NOTCH3: variants seen among roughly 807,000 people sequenced by gnomAD.
NOTCH3 encodes the protein neurogenic locus notch homolog protein 3.
A neutral mutation model predicts 213.3 loss-of-function variants in NOTCH3; 86 were observed. That is an observed-to-expected ratio of 0.40 (90% CI 0.34 to 0.48). The LOEUF is 0.48. NOTCH3 is among the 20% of genes least tolerant of loss of function. The probability of loss-of-function intolerance (pLI) is 0.57; values close to 1 mark genes in which losing one functional copy is unlikely to be tolerated. For missense variants in NOTCH3, 2,783 were observed against 3,272.6 expected (o/e 0.85, Z 3.65); for synonymous variants, 1,354 against 1,355.9 (o/e 1.00, Z 0.03).
intron 28 of NOTCH3, 30 bp downstream of exon 28, chr19:15,170,056 A>G: frequency 7.5e-7 from 1 of 1,336,350 alleles, no homozygotes; most frequent in Non-Finnish European, 1.1e-6. Context: ...GGGTCAGAGG[A>G]GGGGGCAAAG....
In NOTCH3 at chr19:15,161,250, G is replaced by T. The variant is rs775029302; in HGVS notation, c.6378C>A (p.Pro2126=). The change falls in exon 33 of 33, where the codon CCC becomes CCA. Residue 2126 remains proline, a synonymous_variant. Transcript: ENST00000263388. ...CTGCAGTGGCAGTGGCAGCTGCATA[G>T]GGCCCCTCAAGGGGGAAGCCACCAG... The part of the protein sequence containing the change: ...ASPGGFPLEG[P]YAAATATAVS... The T allele has an allele frequency of 6.5e-7, 1 of 1,547,532 alleles. No individual in the cohort carries two copies. Among genetic ancestry groups the T allele is most frequent in the East Asian group, 2.3e-5 (1 of 42,968 alleles).
chr19:15,179,577 C>G (rs1442956203), intron 20 of NOTCH3, 81 bp from the exon 21 acceptor site: 1 of 1,485,188 alleles, frequency 6.7e-7, no homozygotes, highest in African/African-American at 1.4e-5. Context: ...ACGCAAAGAA[C>G]CCCAGCACAA....
At chr19:15,168,671 TAAA>T (rs1364903826) in intron 28 of NOTCH3, among the ~76,000 whole-genome samples, 1 of 151,830 alleles carries the variant, frequency 6.6e-6, no homozygotes, top group Non-Finnish European at 1.5e-5. Context: ...CCATCTCTAC[TAAA>T]AATACAAAAA....
At chr19:15,173,913 C>T (rs1215116866) in intron 25 of NOTCH3, among the ~76,000 whole-genome samples, 155 bp downstream of exon 25, 3 of 152,218 alleles carry the variant, frequency 2.0e-5, no homozygotes, top group Non-Finnish European at 4.4e-5. Flanking sequence ...GCACTAGCTC[C>T]ATCTGGAGGC....
At position 15,179,482 on chromosome 19, in the gene NOTCH3, G is replaced by A. The variant is rs1196494707; in HGVS notation, c.3342C>T (p.Tyr1114=). ...CGTCGTCCTCACAGTTATCACCATT[G>A]TAGCCAGGAAGACACTTCAGTGGGG... ...GGYMCECLPG[Y]NGDNCEDDVD... is the part of the protein sequence containing the mutation. Residue 1114 remains tyrosine (Y), a synonymous_variant, in exon 21 of 33, where the codon TAC becomes TAT. Coordinates refer to ENST00000263388, the MANE Select transcript of NOTCH3 (RefSeq NM_000435.3). 1 of 1,613,972 alleles carries A rather than the reference G, an allele frequency of 6.2e-7. No homozygotes were observed. Among genetic ancestry groups the A allele is most frequent in the Non-Finnish European group, 8.5e-7 (1 of 1,180,018 alleles).
chr19:15,188,390 A>G, intron 8 of NOTCH3, 42 bp from the exon 9 acceptor site: 1 of 1,325,824 alleles, frequency 7.5e-7, no homozygotes, highest in Non-Finnish European at 1.1e-6. Context: ...GGGCTACCCT[A>G]TGGTGTGAAC....
At chr19:15,174,015 C>G (rs2046765068) in intron 25 of NOTCH3, 53 bp downstream of exon 25, 1 of 1,410,382 alleles carries the variant, frequency 7.1e-7, no homozygotes, top group Admixed American at 2.1e-5. Flanking sequence ...CCTGGATCAA[C>G]AGCATCTCTC....
At chr19:15,200,223 G>C (rs1010048320) in intron 1 of NOTCH3, among the ~76,000 whole-genome samples, 2 of 151,552 alleles carry the variant, frequency 1.3e-5, no homozygotes, top group African/African-American at 4.8e-5. Flanking sequence ...GGCGGGGGAG[G>C]GGGCGCGCGC....
intron 2 of NOTCH3, among the ~76,000 whole-genome samples, chr19:15,195,944 C>T (rs2046966903): frequency 6.7e-6 from 1 of 149,442 alleles, no homozygotes; most frequent in Non-Finnish European, 1.5e-5. Context: ...TTAGGGGGGG[C>T]ACGGCGGGTG....
chr19:15,173,101 CT>C lies in NOTCH3; in HGVS notation c.4736+966del, dbSNP rs2046752057. The stretch of plus-strand genomic sequence containing the variant: ...TCTTCTTCTTCTTCTTCTTCTTCTT[CT>C]TCTTTTTTTTTTTTTTTTTTTTTTT... On this transcript the variant is annotated intron_variant, in intron 25 of 32. Transcript: ENST00000263388. Among the ~76,000 whole-genome samples the C allele has an allele frequency of 2.0e-4, 10 of 49,040 alleles. 2 individuals are homozygous for C. Among genetic ancestry groups the C allele is most frequent in the African/African-American group, 1.9e-3 (9 of 4,854 alleles). 32.2% of individuals were successfully genotyped at this position (49,040 alleles called of 152,430 possible).
chr19:15,173,973 TA>T (rs745883512), intron 25 of NOTCH3, 94 bp downstream of exon 25: 1 of 1,093,520 alleles, frequency 9.1e-7, no homozygotes, highest in Non-Finnish European at 1.3e-6. Flanking sequence ...ATCTGGTGGG[TA>T]AAGGCATTAA....
intron 20 of NOTCH3, 61 bp from the exon 21 acceptor site, chr19:15,179,557 A>C: frequency 6.3e-7 from 1 of 1,576,180 alleles, no homozygotes; most frequent in Non-Finnish European, 8.7e-7. Flanking sequence ...ACCTGGACAT[A>C]CCCATGAAGA....
intron 2 of NOTCH3, among the ~76,000 whole-genome samples, chr19:15,195,923 C>G (rs993313671): frequency 2.0e-5 from 3 of 150,430 alleles, no homozygotes; most frequent in Non-Finnish European, 3.0e-5. Context: ...GAGGGGGGAG[C>G]GCAGACCTAG....
At position 15,184,962 on chromosome 19, in the gene NOTCH3, C is replaced by T. The variant is rs1248140755; in HGVS notation, c.2354G>A (p.Arg785His). 1.2e-5 allele frequency: 19 copies of T among 1,547,752 alleles called. No homozygotes were observed. The highest frequency in any genetic ancestry group is 3.9e-5 in the Admixed American group (2 of 50,692). The change falls in exon 15 of 33, where the codon CGC (arginine) becomes CAC (histidine). Residue 785 changes from arginine to histidine, a missense_variant. Arg to His is a conservative substitution (Grantham distance 29, BLOSUM62 0). Around this residue, in one of 6 missense-constraint regions of NOTCH3, gnomAD observed 861 missense variants for 909.1 expected, o/e 0.95. Coordinates refer to ENST00000263388, the MANE Select transcript of NOTCH3 (RefSeq NM_000435.3). ...CAGCTGGCCAGGGGCAGACTCGCAG[C>T]GGCCCCCATGCTCACAGGGGTTCGG... is the stretch of plus-strand genomic sequence containing the variant. ...CTPNPCEHGG[R>H]CESAPGQLPV...
In NOTCH3 at chr19:15,161,982, C is replaced by CTTTTT. The variant is rs71168583; in HGVS notation, c.5914-273_5914-269dup. ...TTAGGCATAACTTTTTTTTTCTTGT[C>CTTTTT]TTTTTTTTTTTTTTTTTTTGACAGA... On this transcript the variant is annotated intron_variant, in intron 32 of 32. Transcript: ENST00000263388. Among the ~76,000 whole-genome samples, 16 of 114,704 alleles carry CTTTTT rather than the reference C, an allele frequency of 1.4e-4. 1 individual carries two copies. Among genetic ancestry groups the CTTTTT allele is most frequent in the African/African-American group, 2.1e-4 (6 of 28,394 alleles). The allele number at this position is 114,704 out of a possible 152,430, so 75.3% of individuals were successfully genotyped here. A position where few individuals can be genotyped will look rare whatever the true frequency, so the allele number is the denominator to read the frequency against.
At position 15,195,594 on chromosome 19, in the gene NOTCH3, C is replaced by T. The variant is rs1347268756; in HGVS notation, c.197+1906G>A. On this transcript the variant is annotated intron_variant, in intron 2 of 32. Coordinates refer to ENST00000263388, the MANE Select transcript of NOTCH3 (RefSeq NM_000435.3). The stretch of plus-strand genomic sequence containing the variant: ...CCGCAAGATCCCCCCCACCCCGGCC[C>T]CCAGCGAAACAGGTCGGGGCACGGC... Among the ~76,000 whole-genome samples the T allele has an allele frequency of 2.6e-5, 4 of 152,070 alleles. No individual in the cohort carries two copies. In the East Asian group the frequency reaches 7.8e-4, roughly 30 times the overall value.
rs1253643118 is a variant in NOTCH3, at chr19:15,159,584, G to A, written c.*1078C>T. 4.5e-6 allele frequency: 1 copy of A among 221,760 alleles called. No individual in the cohort carries two copies. The highest frequency in any genetic ancestry group is 9.0e-6 in the Non-Finnish European group (1 of 110,924). 13.7% of individuals were successfully genotyped at this position (221,760 alleles called of 1,614,324 possible). Reference sequence around the variant, plus strand: ...TTAGCCCTGGGTGGGGGAGATAGAAGTCCCACTGCCACCACTCCCCACCTT... The same window carrying A: ...TTAGCCCTGGGTGGGGGAGATAGAAATCCCACTGCCACCACTCCCCACCTT... On this transcript the variant is annotated 3_prime_UTR_variant, in exon 33 of 33. Coordinates refer to ENST00000263388, the MANE Select transcript of NOTCH3 (RefSeq NM_000435.3).
At chr19:15,187,385 C>T in intron 10 of NOTCH3, 47 bp from the exon 11 acceptor site, 1 of 1,548,494 alleles carries the variant, frequency 6.5e-7, no homozygotes, top group Non-Finnish European at 8.9e-7. Context: ...CAGGGGCCTG[C>T]CCACAAGTGA....
Position 15,181,677 on chromosome 19 carries a change from G to A in NOTCH3, c.2691C>T (p.Gly897=), listed in dbSNP as rs1235042365. The change falls in exon 17 of 33, where the codon GGC becomes GGT. Residue 897 remains glycine (G), a synonymous_variant. Transcript: ENST00000263388. The part of the protein sequence containing the change: ...DVDECLSNPC[G]PGTCTDHVAS... ...CCACGTGGTCGGTACAGGTGCCCGG[G>A]CCGCAGGGGTTGCTCAGGCACTCAT... The A allele has an allele frequency of 1.3e-6, 2 of 1,556,132 alleles. No individual in the cohort carries two copies. Among genetic ancestry groups the A allele is most frequent in the South Asian group, 1.2e-5 (1 of 84,452 alleles).
Sources: gnomAD v4.1 joint callset for allele counts (sites outside exome capture counted in the v4.1 genomes callset) on GRCh38, gnomAD v4.1.1 for gene constraint, gnomAD v4.1.1 regional missense constraint, MANE v1.5 for transcripts, NCBI Gene and HGNC (gene_info 2026-07-23, HGNC 2026-07-21) for gene names.